Variants in ARHGAP6 observed in about 807,000 individuals in gnomAD.
ARHGAP6 encodes the protein rho GTPase-activating protein 6.
Under a neutral mutation model 55.7 loss-of-function variants are expected in ARHGAP6, and 16 were observed. The observed-to-expected ratio is 0.29, with a 90% CI of 0.19 to 0.44. The LOEUF is 0.44. ARHGAP6 is among the 20% of genes least tolerant of loss of function. The probability of loss-of-function intolerance (pLI) is 1.00; values close to 1 mark genes in which losing one functional copy is unlikely to be tolerated. For missense variants in ARHGAP6, 698 were observed against 808.9 expected, an observed-to-expected ratio of 0.86 and a Z score of 1.66; for synonymous variants, 382 against 360.9, an observed-to-expected ratio of 1.06 and a Z score of -0.66.
chrX:11,319,124 ACATTTCTATATCTAT>A (rs747749094), intron 1 of ARHGAP6, among the ~76,000 whole-genome samples: 3 of 110,420 alleles, frequency 2.7e-5, no homozygotes, highest in Non-Finnish European at 5.7e-5. Flanking sequence ...TGGTAACTCC[ACATTTCTATATCTAT>A]ATCTATATCT....
intron 2 of ARHGAP6, among the ~76,000 whole-genome samples, chrX:11,218,023 A>G (rs1396084023): frequency 3.6e-5 from 4 of 111,759 alleles, no homozygotes; most frequent in African/African-American, 1.3e-4. Flanking sequence ...AGATGGTTGT[A>G]CATGTGTGGC....
intron 2 of ARHGAP6, among the ~76,000 whole-genome samples, chrX:11,228,899 T>C (rs775299163): frequency 8.9e-6 from 1 of 112,291 alleles, no homozygotes; most frequent in South Asian, 3.7e-4. Context: ...TCCTCTATCA[T>C]TAGTTTGTTT....
chrX:11,225,769 T>C, intron 2 of ARHGAP6: 1 of 470,296 alleles, frequency 2.1e-6, no homozygotes, highest in Non-Finnish European at 3.4e-6. Context: ...CTGTTCTATT[T>C]GGTAACACAA....
At chrX:11,412,311 A>C (rs1249465510) in intron 1 of ARHGAP6, among the ~76,000 whole-genome samples, 1 of 111,723 alleles carries the variant, frequency 9.0e-6, no homozygotes, top group Non-Finnish European at 1.9e-5. Flanking sequence ...ATGACTAACC[A>C]GCCTCCCACC....
intron 2 of ARHGAP6, among the ~76,000 whole-genome samples, chrX:11,239,404 G>C (rs1463740436): frequency 2.7e-5 from 3 of 111,586 alleles, no homozygotes; most frequent in Non-Finnish European, 5.6e-5. Flanking sequence ...GACAAGAAGG[G>C]AGGTGACTCA....
At chrX:11,441,951 A>G (rs1191986927) in intron 1 of ARHGAP6, among the ~76,000 whole-genome samples, 1 of 110,262 alleles carries the variant, frequency 9.1e-6, no homozygotes, top group Non-Finnish European at 1.9e-5. Flanking sequence ...ATATACACAC[A>G]TATACGTAAC....
At chrX:11,498,142 C>A (rs932912666) in intron 1 of ARHGAP6, among the ~76,000 whole-genome samples, 3 of 111,649 alleles carry the variant, frequency 2.7e-5, no homozygotes, top group Non-Finnish European at 5.6e-5. Context: ...TTTATCTATT[C>A]TCATAAGGGT....
rs188768895 is a variant in ARHGAP6, at chrX:11,240,106, T to C, written c.748+14442A>G. 2.0e-3 allele frequency among the ~76,000 whole-genome samples: 222 copies of C among 112,277 alleles called. 1 individual carries two copies. The highest frequency in any genetic ancestry group is 6.2e-3 in the African/African-American group (193 of 30,896). ...AGCCATTCATTGTGCCTGTACTCCA[T>C]GTTTGGTGCTTTCTAATGATTAATC... is the stretch of plus-strand genomic sequence containing the variant. On this transcript the variant is annotated intron_variant, in intron 2 of 12. Coordinates refer to ENST00000337414, the MANE Select transcript of ARHGAP6 (RefSeq NM_013427.3).
At chrX:11,301,557 T>A (rs142872625) in intron 1 of ARHGAP6, among the ~76,000 whole-genome samples, 1 of 112,198 alleles carries the variant, frequency 8.9e-6, no homozygotes, top group African/African-American at 3.2e-5. Flanking sequence ...TTAATCATTT[T>A]CTGGAATGAA....
At chrX:11,332,113 C>G (rs1407475150) in intron 1 of ARHGAP6, among the ~76,000 whole-genome samples, 2 of 111,532 alleles carry the variant, frequency 1.8e-5, no homozygotes, top group African/African-American at 6.5e-5. Flanking sequence ...GTGTGGTTCT[C>G]AAAAAAACTA....
chrX:11,403,269 T>C (rs1332618000), intron 1 of ARHGAP6, among the ~76,000 whole-genome samples: 1 of 111,330 alleles, frequency 9.0e-6, no homozygotes, highest in Non-Finnish European at 1.9e-5. Flanking sequence ...ACTTCCCCAG[T>C]AGGAAACTGA....
intron 2 of ARHGAP6, among the ~76,000 whole-genome samples, chrX:11,251,036 A>G (rs763245458): frequency 8.9e-6 from 1 of 111,949 alleles, no homozygotes; most frequent in Non-Finnish European, 1.9e-5. Context: ...AACAGTGTTT[A>G]GATACCAGGA....
chrX:11,427,820 A>G (rs1603202201), intron 1 of ARHGAP6: 3 of 171,205 alleles, frequency 1.8e-5, no homozygotes, highest in Non-Finnish European at 6.9e-6. Flanking sequence ...GGGGAAGAGG[A>G]GGAGGAGGAG....
At chrX:11,502,742 T>C (rs1232864438) in intron 1 of ARHGAP6, among the ~76,000 whole-genome samples, 3 of 111,769 alleles carry the variant, frequency 2.7e-5, no homozygotes, top group Non-Finnish European at 5.6e-5. Context: ...TTTCTCTAGC[T>C]TACTTTATTG....
intron 1 of ARHGAP6, among the ~76,000 whole-genome samples, chrX:11,653,288 T>C (rs945738159): frequency 8.9e-6 from 1 of 112,446 alleles, no homozygotes; most frequent in Non-Finnish European, 1.9e-5. Flanking sequence ...AAATCCACAA[T>C]ACAAGTCTGA....
At position 11,664,442 on chromosome X, in the gene ARHGAP6, G is replaced by C; in HGVS notation, c.387C>G (p.Gly129=). The change falls in exon 1 of 13, where the codon GGC becomes GGG. Residue 129 remains glycine, a synonymous_variant. Transcript: ENST00000337414. ...HFDYEVPLGR[G]GLKKSMAWDL... is the part of the protein sequence containing the mutation. Reference sequence around the variant, plus strand: ...CCCAGGCCATGCTCTTCTTGAGGCCGCCGCGACCCAGGGGAACCTCATAGT... The same window carrying C: ...CCCAGGCCATGCTCTTCTTGAGGCCCCCGCGACCCAGGGGAACCTCATAGT... The C allele has an allele frequency of 3.3e-6, 4 of 1,211,710 alleles. No homozygotes were observed. The highest frequency in any genetic ancestry group is 4.5e-6 in the Non-Finnish European group (4 of 895,301).
intron 1 of ARHGAP6, among the ~76,000 whole-genome samples, chrX:11,644,677 A>G (rs914497916): frequency 1.8e-5 from 2 of 110,904 alleles, no homozygotes; most frequent in East Asian, 5.7e-4. Context: ...AAAAAATAGA[A>G]ACTACTAATA....
At chrX:11,492,375 A>G (rs973023284) in intron 1 of ARHGAP6, among the ~76,000 whole-genome samples, 2 of 112,071 alleles carry the variant, frequency 1.8e-5, no homozygotes, top group Non-Finnish European at 3.8e-5. Flanking sequence ...ATGGTTTTAA[A>G]TAATTAGAAA....
intron 1 of ARHGAP6, among the ~76,000 whole-genome samples, chrX:11,412,102 C>T (rs1174149883): frequency 1.8e-5 from 2 of 111,799 alleles, no homozygotes; most frequent in African/African-American, 6.5e-5. Context: ...CCCAGAATTT[C>T]AGTGTTTGTG....
Sources: gnomAD v4.1 joint callset for allele counts (sites outside exome capture counted in the v4.1 genomes callset) on GRCh38, gnomAD v4.1.1 for gene constraint, MANE v1.5 for transcripts, NCBI Gene and HGNC (gene_info 2026-07-23, HGNC 2026-07-21) for gene names.